Variants in C3orf20 observed in about 807,000 individuals in gnomAD.
The protein encoded by C3orf20 is family with sequence similarity 149 member C, also known as uncharacterized protein C3orf20.
In C3orf20, 76 loss-of-function variants were observed where a neutral mutation model predicts 88.3. That is an observed-to-expected ratio of 0.86 (90% confidence interval 0.72 to 1.04). C3orf20 has a LOEUF of 1.04. C3orf20 is among the 50% of genes least tolerant of loss of function. The pLI is 0.00. For synonymous variants in C3orf20, 436 were observed against 437.4 expected (o/e 1.00, Z 0.04); for missense variants, 1,056 against 1,123.3 (o/e 0.94, Z 0.86).
chr3:14,694,884 G>A (rs1480127126), intron 5 of C3orf20, among the ~76,000 whole-genome samples: 1 of 151,804 alleles, frequency 6.6e-6, no homozygotes, highest in African/African-American at 2.4e-5. Context: ...TCCACCTCCC[G>A]AGTTCAAGCA....
intron 12 of C3orf20, among the ~76,000 whole-genome samples, chr3:14,740,995 A>G (rs141895441): frequency 1.7e-3 from 259 of 152,286 alleles, no homozygotes; most frequent in African/African-American, 6.0e-3. Context: ...TTTTCAGCCA[A>G]TCCTTGACTT....
intron 14 of C3orf20, among the ~76,000 whole-genome samples, 198 bp from the exon 15 acceptor site, chr3:14,761,275 C>T (rs1000268661): frequency 6.7e-6 from 1 of 149,514 alleles, no homozygotes; most frequent in African/African-American, 2.5e-5. Context: ...TGGGCAGGGG[C>T]TGGACTCAGC....
At chr3:14,736,394 G>A (rs553602065) in intron 12 of C3orf20, among the ~76,000 whole-genome samples, 1 of 152,000 alleles carries the variant, frequency 6.6e-6, no homozygotes, top group South Asian at 2.1e-4. Context: ...GGGTTCAAGC[G>A]ATTATCCTGC....
intron 12 of C3orf20, among the ~76,000 whole-genome samples, chr3:14,747,975 G>A (rs917564402): frequency 2.0e-5 from 3 of 151,888 alleles, no homozygotes; most frequent in Non-Finnish European, 2.9e-5. Context: ...TAGTGTCTTT[G>A]TCTGGCTTTG....
chr3:14,721,349 A>G (rs2034153957), intron 9 of C3orf20, among the ~76,000 whole-genome samples: 1 of 152,218 alleles, frequency 6.6e-6, no homozygotes, highest in Non-Finnish European at 1.5e-5. Flanking sequence ...ATTCATCTTT[A>G]CCAGAACTGA....
chr3:14,714,229 G>T, intron 8 of C3orf20, 70 bp downstream of exon 8: 2 of 1,528,208 alleles, frequency 1.3e-6, no homozygotes, highest in East Asian at 2.3e-5. Flanking sequence ...GACTGAGGTG[G>T]TGACTACGAG....
chr3:14,683,228 C>G, intron 3 of C3orf20, 31 bp downstream of exon 3: 6 of 1,535,706 alleles, frequency 3.9e-6, no homozygotes, highest in Non-Finnish European at 5.3e-6. Flanking sequence ...TATGTGCCCA[C>G]CACACCCACT....
intron 5 of C3orf20, among the ~76,000 whole-genome samples, chr3:14,692,313 G>T (rs1376228132): frequency 6.6e-6 from 1 of 152,044 alleles, no homozygotes; most frequent in East Asian, 1.9e-4. Context: ...TTTTTTTGAG[G>T]AACCCCCAAA....
intron 9 of C3orf20, among the ~76,000 whole-genome samples, chr3:14,721,057 T>G (rs2034141723): frequency 6.6e-6 from 1 of 152,228 alleles, no homozygotes; most frequent in African/African-American, 2.4e-5. Context: ...TTGGAAGTGA[T>G]GATAAAGAGT....
chr3:14,690,190 T>A (rs1559398560), intron 5 of C3orf20, 74 bp downstream of exon 5: 7 of 1,596,502 alleles, frequency 4.4e-6, no homozygotes, highest in Non-Finnish European at 6.0e-6. Context: ...CCGTCTACCC[T>A]GTGTAGGTTG....
At chr3:14,684,191 C>T in intron 3 of C3orf20, 51 bp from the exon 4 acceptor site, 1 of 1,603,630 alleles carries the variant, frequency 6.2e-7, no homozygotes, top group Admixed American at 1.7e-5. Flanking sequence ...TTTCTGGAAG[C>T]ATTAGCCCCA....
chr3:14,704,600 A>G lies in C3orf20; in HGVS notation c.1142A>G (p.Asp381Gly), dbSNP rs774732297. Residue 381 changes from aspartate to glycine, a missense_variant, in exon 7 of 17, where the codon GAT becomes GGT. Transcript: ENST00000253697. ...TTCAAGTTTCATTACACCTTCTATG[A>G]TGGCTCCTCCTTCGTTTAGTATCCT... ...KAFKFHYTFY[D>G]GSSFVYYPSG... 1 of 1,613,826 alleles carries G rather than the reference A, an allele frequency of 6.2e-7. No homozygotes were observed.
At position 14,761,665 on chromosome 3, in the gene C3orf20, G is replaced by C. The variant is rs763928941; in HGVS notation, c.2495+50G>C. On this transcript the variant is annotated intron_variant, in intron 15 of 16. Transcript: ENST00000253697. ...AGGGATGGGCCTGGGGAGGTATGGAGGGCAGAAAGGAGACTTGGGCTGTGA... is the reference window on the plus strand; with the variant it reads ...AGGGATGGGCCTGGGGAGGTATGGACGGCAGAAAGGAGACTTGGGCTGTGA... 6 of 1,605,374 alleles carry C rather than the reference G, an allele frequency of 3.7e-6. No individual in the cohort carries two copies. The African/African-American group carries it at 5.4e-5, about 14-fold the overall frequency.
intron 12 of C3orf20, among the ~76,000 whole-genome samples, chr3:14,755,558 T>A (rs1379204262): frequency 6.6e-6 from 1 of 152,208 alleles, no homozygotes; most frequent in Non-Finnish European, 1.5e-5. Flanking sequence ...CTTAACAAGT[T>A]TGTTCAGCAA....
intron 12 of C3orf20, among the ~76,000 whole-genome samples, chr3:14,755,578 A>G (rs1197833180): frequency 2.0e-5 from 3 of 152,200 alleles, no homozygotes; most frequent in Non-Finnish European, 4.4e-5. Context: ...AGTACTTATC[A>G]GTATTAATAG....
At chr3:14,739,709 G>C (rs2034843636) in intron 12 of C3orf20, among the ~76,000 whole-genome samples, 1 of 152,182 alleles carries the variant, frequency 6.6e-6, no homozygotes, top group South Asian at 2.1e-4. Context: ...CTGTTGTTTA[G>C]TATAGTCACC....
Position 14,757,558 on chromosome 3 carries a change from G to A in C3orf20, c.2128G>A (p.Val710Met). The A allele has an allele frequency of 1.2e-6, 2 of 1,614,144 alleles. No individual in the cohort carries two copies. The highest frequency in any genetic ancestry group is 1.7e-5 in the Admixed American group (1 of 60,036). The change falls in exon 13 of 17, where the codon GTG (valine) becomes ATG (methionine). Residue 710 changes from valine (V) to methionine (M), a missense_variant. Transcript: ENST00000253697. ...GTTGGCGCCCCGAGACCCCAGCCAAGTGCTGGTGTTTGGGATCATCTCAAG... is the reference window on the plus strand; with the variant it reads ...GTTGGCGCCCCGAGACCCCAGCCAAATGCTGGTGTTTGGGATCATCTCAAG... ...FLLAPRDPSQ[V>M]LVFGIISSQN...
chr3:14,692,037 T>C (rs2032758696), intron 5 of C3orf20, among the ~76,000 whole-genome samples: 1 of 152,224 alleles, frequency 6.6e-6, no homozygotes, highest in African/African-American at 2.4e-5. Context: ...CATAATGATC[T>C]CCAGTTTCAT....
Position 14,721,137 on chromosome 3 carries a change from C to A in C3orf20, c.1435-516C>A, listed in dbSNP as rs1186047231. ...AATAATGACATATTTGTGGAAGGGG[C>A]TGAGTATGTGTGGCCCAGGCCCTTC... On this transcript the variant is annotated intron_variant, in intron 9 of 16. Coordinates refer to ENST00000253697, the MANE Select transcript of C3orf20 (RefSeq NM_032137.5). Among the ~76,000 whole-genome samples, 4 of 152,328 alleles carry A rather than the reference C, an allele frequency of 2.6e-5. No individual in the cohort carries two copies. The East Asian group carries it at 7.7e-4, about 29-fold the overall frequency.
Sources: allele counts gnomAD v4.1 joint callset (sites outside exome capture counted in the v4.1 genomes callset), GRCh38; gene constraint gnomAD v4.1.1; transcripts MANE v1.5; gene names NCBI Gene and HGNC (gene_info 2026-07-23, HGNC 2026-07-21).